The following CERKL variants were observed in gnomAD, a reference collection of about 807,000 sequenced individuals.
CERKL encodes the protein ceramide kinase-like protein.
CERKL carries 61 observed loss-of-function variants against 63.4 expected under a neutral mutation model. The observed-to-expected ratio is 0.96, with a 90% CI of 0.78 to 1.19. The LOEUF (loss-of-function observed/expected upper bound fraction) is 1.19. Ranked by LOEUF, CERKL falls within the 50% of genes most tolerant of loss-of-function variation. The pLI, the probability that CERKL is intolerant of heterozygous loss-of-function variation, is 0.00. For missense variants in CERKL, 675 were observed against 655.5 expected (o/e 1.03, Z -0.33); for synonymous variants, 250 against 230.5 (o/e 1.08, Z -0.77).
intron 1 of CERKL, among the ~76,000 whole-genome samples, chr2:181,627,525 T>G (rs1686764196): frequency 6.6e-6 from 1 of 152,246 alleles, no homozygotes; most frequent in African/African-American, 2.4e-5. Flanking sequence ...ATTCCATTTG[T>G]ACTCATCCTA....
chr2:181,541,653 A>T (rs1311058183), intron 11 of CERKL, among the ~76,000 whole-genome samples: 1 of 152,250 alleles, frequency 6.6e-6, no homozygotes, highest in Non-Finnish European at 1.5e-5. Context: ...AGACCAGAGA[A>T]CCTGAAGGCC....
intron 1 of CERKL, among the ~76,000 whole-genome samples, chr2:181,623,201 T>C (rs1686531376): frequency 6.6e-6 from 1 of 152,230 alleles, no homozygotes; most frequent in South Asian, 2.1e-4. Context: ...GAAATAGTGA[T>C]AATATCTTTC....
intron 1 of CERKL, among the ~76,000 whole-genome samples, chr2:181,642,850 A>G (rs1453099111): frequency 6.6e-6 from 1 of 152,220 alleles, no homozygotes; most frequent in African/African-American, 2.4e-5. Context: ...TGGATGAGCT[A>G]GTCCTTTTGT....
intron 2 of CERKL, among the ~76,000 whole-genome samples, chr2:181,589,075 T>C (rs780348015): frequency 6.6e-6 from 1 of 152,208 alleles, no homozygotes; most frequent in East Asian, 1.9e-4. Flanking sequence ...GTGAAGAGCT[T>C]TTGGGTTTGA....
chr2:181,600,242 C>T (rs1242199282), intron 2 of CERKL, among the ~76,000 whole-genome samples: 1 of 152,112 alleles, frequency 6.6e-6, no homozygotes, highest in East Asian at 1.9e-4. Flanking sequence ...TACTTGCTAC[C>T]ATATAAGCAC....
intron 2 of CERKL, among the ~76,000 whole-genome samples, chr2:181,600,667 T>C (rs1239559754): frequency 6.6e-6 from 1 of 152,186 alleles, no homozygotes; most frequent in Non-Finnish European, 1.5e-5. Flanking sequence ...TTAACTATCC[T>C]AAATAAATAT....
At chr2:181,656,717 G>C in intron 1 of CERKL, 52 bp downstream of exon 1, 39 of 1,460,844 alleles carry the variant, frequency 2.7e-5, no homozygotes, top group Non-Finnish European at 3.6e-5. Flanking sequence ...TTGGGCCGGG[G>C]AGAGGGAGGA....
intron 5 of CERKL, among the ~76,000 whole-genome samples, chr2:181,551,768 G>A (rs1424047235): frequency 6.6e-6 from 1 of 152,048 alleles, no homozygotes. Context: ...TATACACATA[G>A]CCTGAAGATA....
At chr2:181,580,548 A>G (rs995867939) in intron 2 of CERKL, among the ~76,000 whole-genome samples, 1 of 152,128 alleles carries the variant, frequency 6.6e-6, no homozygotes, top group Non-Finnish European at 1.5e-5. Context: ...AATTTGACTA[A>G]TAGTGCTCAT....
At chr2:181,608,671 G>A (rs1233024448) in intron 1 of CERKL, among the ~76,000 whole-genome samples, 1 of 151,954 alleles carries the variant, frequency 6.6e-6, no homozygotes, top group Non-Finnish European at 1.5e-5. Flanking sequence ...CAAAAACAGG[G>A]CAAGAATACC....
At position 181,566,148 on chromosome 2, in the gene CERKL, C is replaced by T. The variant is rs772929708; in HGVS notation, c.614-27G>A. 9.6e-6 allele frequency: 15 copies of T among 1,563,856 alleles called. No individual in the cohort carries two copies. In the Admixed American group the frequency reaches 2.5e-4, roughly 26 times the overall value. On this transcript the variant is annotated intron_variant, in intron 3 of 12. Transcript: ENST00000410087. ...TATTAAAAAAACACACACACATACA[C>T]AAAGTGACAGTTTTAAACAATGATC...
chr2:181,573,923 G>T lies in CERKL; in HGVS notation c.482-39C>A. 3 of 1,599,392 alleles carry T rather than the reference G, an allele frequency of 1.9e-6. No individual in the cohort carries two copies. In the South Asian group the frequency reaches 3.4e-5, roughly 18 times the overall value. On this transcript the variant is annotated intron_variant, in intron 2 of 12. Transcript: ENST00000410087. ...TTAAAGACAAAGTTGTAAAGTCCTT[G>T]TCATCATTTTTTTTCTTTCCCTTTA...
intron 2 of CERKL, among the ~76,000 whole-genome samples, chr2:181,602,714 A>C (rs1685510516): frequency 6.6e-6 from 1 of 152,168 alleles, no homozygotes; most frequent in African/African-American, 2.4e-5. Flanking sequence ...ATGATGCTGG[A>C]ACTGGAAATT....
At chr2:181,552,731 ATCTT>A (rs1688037525) in intron 5 of CERKL, among the ~76,000 whole-genome samples, 2 of 152,196 alleles carry the variant, frequency 1.3e-5, no homozygotes. Context: ...ATGCATGTTT[ATCTT>A]TATTTAGCCA....
chr2:181,582,886 T>G (rs1047305664), intron 2 of CERKL, among the ~76,000 whole-genome samples: 5 of 152,078 alleles, frequency 3.3e-5, no homozygotes, highest in Non-Finnish European at 7.4e-5. Context: ...ACTTAACATA[T>G]TCAAAACTGA....
intron 4 of CERKL, among the ~76,000 whole-genome samples, chr2:181,560,562 G>A (rs1001111287): frequency 3.3e-5 from 5 of 152,190 alleles, no homozygotes; most frequent in African/African-American, 1.2e-4. Flanking sequence ...CACTCTCCAT[G>A]TATTAACTCA....
At chr2:181,576,170 T>C (rs79079955) in intron 2 of CERKL, among the ~76,000 whole-genome samples, 2,924 of 152,262 alleles carry the variant, frequency 0.019, 74 homozygotes, top group African/African-American at 0.064. Flanking sequence ...TTCTATAGGA[T>C]AATATTAAGG....
intron 2 of CERKL, among the ~76,000 whole-genome samples, chr2:181,583,003 T>C (rs996565664): frequency 1.1e-4 from 17 of 152,206 alleles, no homozygotes; most frequent in African/African-American, 4.1e-4. Flanking sequence ...TCAGAAACTT[T>C]AGTGCCTTAC....
intron 1 of CERKL, among the ~76,000 whole-genome samples, chr2:181,616,206 ATTTT>A (rs35040208): frequency 4.5e-5 from 5 of 110,070 alleles, no homozygotes; most frequent in Admixed American, 9.9e-5. Context: ...AAAAATCTAA[ATTTT>A]TTTTTTTTTT....
Sources: allele counts gnomAD v4.1 joint callset (sites outside exome capture counted in the v4.1 genomes callset), GRCh38; gene constraint gnomAD v4.1.1; transcripts MANE v1.5; gene names NCBI Gene and HGNC (gene_info 2026-07-23, HGNC 2026-07-21).